Variants in LHFPL6 observed in about 807,000 individuals in gnomAD.
LHFPL6 encodes the protein LHFPL tetraspan subfamily member 6 protein.
A neutral mutation model predicts 20.6 loss-of-function variants in LHFPL6; 9 were observed. That is an observed-to-expected ratio of 0.44 (90% CI 0.26 to 0.76). The LOEUF (loss-of-function observed/expected upper bound fraction) is 0.76, where lower values mean the gene tolerates loss of function less well. Ranked by LOEUF, LHFPL6 falls within the 30% of genes least tolerant of loss-of-function variation. The pLI is 0.20. For synonymous variants in LHFPL6, 105 were observed against 98.7 expected (o/e 1.06, Z -0.38); for missense variants, 218 against 253.5 (o/e 0.86, Z 0.95).
intron 2 of LHFPL6, among the ~76,000 whole-genome samples, chr13:39,483,529 A>C (rs1281758963): frequency 7.3e-6 from 1 of 137,602 alleles, no homozygotes; most frequent in Non-Finnish European, 1.5e-5. Context: ...GCTCTTTTTC[A>C]TCCAATTCTG....
At chr13:39,437,950 G>A (rs1872009911) in intron 2 of LHFPL6, among the ~76,000 whole-genome samples, 1 of 151,680 alleles carries the variant, frequency 6.6e-6, no homozygotes. Context: ...ACCAAGAAGA[G>A]GGACACTGCT....
chr13:39,578,549 A>G (rs1257609135), intron 2 of LHFPL6, among the ~76,000 whole-genome samples: 1 of 152,184 alleles, frequency 6.6e-6, no homozygotes, highest in Non-Finnish European at 1.5e-5. Context: ...AGCCAAAGGA[A>G]GGAAGGAAAT....
chr13:39,497,984 C>T (rs1443782767), intron 2 of LHFPL6, among the ~76,000 whole-genome samples: 4 of 152,214 alleles, frequency 2.6e-5, no homozygotes, highest in African/African-American at 7.2e-5. Context: ...CTCTTCTTAG[C>T]TACAACTGAA....
At chr13:39,602,533 C>T (rs1872991357) in intron 1 of LHFPL6, among the ~76,000 whole-genome samples, 1 of 152,192 alleles carries the variant, frequency 6.6e-6, no homozygotes, top group East Asian at 1.9e-4. Flanking sequence ...CCCCCATCTC[C>T]AACTGCGGTG....
intron 2 of LHFPL6, among the ~76,000 whole-genome samples, chr13:39,548,816 G>C (rs1477623207): frequency 6.6e-6 from 1 of 151,976 alleles, no homozygotes; most frequent in Non-Finnish European, 1.5e-5. Flanking sequence ...AAATGAGGAA[G>C]TACTTGAATA....
At chr13:39,542,441 T>A (rs2138504975) in intron 2 of LHFPL6, among the ~76,000 whole-genome samples, 1 of 152,230 alleles carries the variant, frequency 6.6e-6, no homozygotes, top group Admixed American at 6.5e-5. Context: ...CAAGTTACAA[T>A]GACAATATAA....
At chr13:39,489,901 A>T (rs7335605) in intron 2 of LHFPL6, among the ~76,000 whole-genome samples, 99,823 of 151,878 alleles carry the variant, frequency 0.66, 33,012 homozygotes, top group East Asian at 0.85. Context: ...GATTTACTAC[A>T]CAATTTCTAA....
At chr13:39,412,962 G>A (rs1871267708) in intron 2 of LHFPL6, among the ~76,000 whole-genome samples, 1 of 151,838 alleles carries the variant, frequency 6.6e-6, no homozygotes. Context: ...GGCAGCAAGG[G>A]AACCTGAACC....
At chr13:39,437,263 C>T (rs1247530710) in intron 2 of LHFPL6, among the ~76,000 whole-genome samples, 2 of 152,074 alleles carry the variant, frequency 1.3e-5, no homozygotes, top group Admixed American at 1.3e-4. Flanking sequence ...TTGTAATCTC[C>T]AATGTTGGTG....
intron 2 of LHFPL6, among the ~76,000 whole-genome samples, chr13:39,429,183 A>C (rs573475834): frequency 2.7e-5 from 4 of 147,350 alleles, no homozygotes; most frequent in African/African-American, 9.9e-5. Flanking sequence ...GCATATCCTT[A>C]CTGTTTTTTT....
chr13:39,593,930 T>A (rs1214716817), intron 2 of LHFPL6, among the ~76,000 whole-genome samples: 1 of 152,350 alleles, frequency 6.6e-6, no homozygotes, highest in Non-Finnish European at 1.5e-5. Context: ...AAGCTGAAAC[T>A]GGATCCCTTC....
chr13:39,408,855 T>A (rs1871183007), intron 2 of LHFPL6, among the ~76,000 whole-genome samples: 1 of 152,212 alleles, frequency 6.6e-6, no homozygotes, highest in East Asian at 1.9e-4. Context: ...GAGGTTTGTG[T>A]TGTTATTATT....
chr13:39,593,013 T>C (rs1366384820), intron 2 of LHFPL6, among the ~76,000 whole-genome samples: 1 of 152,168 alleles, frequency 6.6e-6, no homozygotes, highest in East Asian at 1.9e-4. Flanking sequence ...ACAGCCTATA[T>C]CATACTGAAT....
intron 2 of LHFPL6, among the ~76,000 whole-genome samples, chr13:39,439,888 T>C (rs929170414): frequency 6.6e-6 from 1 of 152,218 alleles, no homozygotes; most frequent in Non-Finnish European, 1.5e-5. Flanking sequence ...CCTGTAGAAC[T>C]GTGAGTCAAC....
chr13:39,595,145 A>G (rs993406343), intron 2 of LHFPL6, among the ~76,000 whole-genome samples: 6 of 152,134 alleles, frequency 3.9e-5, no homozygotes, highest in African/African-American at 1.2e-4. Context: ...AAATAAAAAT[A>G]AAAACATTAT....
intron 2 of LHFPL6, among the ~76,000 whole-genome samples, chr13:39,428,557 C>A (rs1238189787): frequency 6.6e-6 from 1 of 152,050 alleles, no homozygotes; most frequent in African/African-American, 2.4e-5. Context: ...TTCCTCATTC[C>A]TGATATTTAT....
chr13:39,526,026 G>A lies in LHFPL6; in HGVS notation c.385+74806C>T, dbSNP rs117505708. On this transcript the variant is annotated intron_variant, in intron 2 of 3. Coordinates refer to ENST00000379589, the MANE Select transcript of LHFPL6 (RefSeq NM_005780.3). ...ACCAAGTCCTCCCAGTTAAAATGAA[G>A]GCTCTCACCTTCCTCCTACTAACAT... Among the ~76,000 whole-genome samples the A allele has an allele frequency of 6.6e-5, 10 of 152,180 alleles. No individual in the cohort carries two copies. The East Asian group carries it at 1.9e-3, about 29-fold the overall frequency.
rs185288447 is a variant in LHFPL6 at position 39,359,539 on chromosome 13, C to A, written c.485-15485G>T. ...GCAAATTAATGCAGAAACAGAAAAG[C>A]AAATACCACATGTTCTCATTTATAA... is the stretch of plus-strand genomic sequence containing the variant. On this transcript the variant is annotated intron_variant, in intron 3 of 3. Coordinates refer to ENST00000379589, the MANE Select transcript of LHFPL6 (RefSeq NM_005780.3). 4.4e-3 allele frequency among the ~76,000 whole-genome samples: 676 copies of A among 152,134 alleles called. 2 individuals are homozygous for A. Among genetic ancestry groups the A allele is most frequent in the African/African-American group, 0.016 (661 of 41,510 alleles).
chr13:39,593,779 T>C (rs981100938), intron 2 of LHFPL6, among the ~76,000 whole-genome samples: 1 of 151,748 alleles, frequency 6.6e-6, no homozygotes, highest in African/African-American at 2.4e-5. Context: ...TATAGATCAA[T>C]GGAACAGAAC....
Sources: allele counts gnomAD v4.1 joint callset (sites outside exome capture counted in the v4.1 genomes callset), GRCh38; gene constraint gnomAD v4.1.1; transcripts MANE v1.5; gene names NCBI Gene and HGNC (gene_info 2026-07-23, HGNC 2026-07-21).